RALGPS2: variants seen among roughly 807,000 people sequenced by gnomAD.
The protein encoded by RALGPS2 is Ral GEF with PH domain and SH3 binding motif 2, also known as ras-specific guanine nucleotide-releasing factor RalGPS2.
Under a neutral mutation model 86.8 loss-of-function variants are expected in RALGPS2, and 43 were observed. The ratio of observed to expected loss-of-function variants is 0.50; its 90% CI spans 0.39 to 0.64. RALGPS2 has a LOEUF of 0.64. RALGPS2 is among the 30% of genes least tolerant of loss of function. The pLI, the probability that RALGPS2 is intolerant of heterozygous loss-of-function variation, is 0.00. For synonymous variants in RALGPS2, 243 were observed against 231.3 expected, an observed-to-expected ratio of 1.05 and a Z score of -0.46; for missense variants, 536 against 694.6, an observed-to-expected ratio of 0.77 and a Z score of 2.57.
intron 17 of RALGPS2, among the ~76,000 whole-genome samples, chr1:178,900,757 A>C (rs529617877): frequency 4.6e-5 from 7 of 152,024 alleles, no homozygotes; most frequent in Admixed American, 3.9e-4. Context: ...CCTCTGATAT[A>C]ATAAATGCAT....
At chr1:178,756,603 A>G (rs543316668) in intron 1 of RALGPS2, among the ~76,000 whole-genome samples, 1 of 151,982 alleles carries the variant, frequency 6.6e-6, no homozygotes, top group Non-Finnish European at 1.5e-5. Flanking sequence ...GATGCATCAC[A>G]CTTTGTTCTT....
At chr1:178,901,176 T>C (rs565426292) in intron 17 of RALGPS2, among the ~76,000 whole-genome samples, 1 of 152,170 alleles carries the variant, frequency 6.6e-6, no homozygotes, top group Admixed American at 6.6e-5. Context: ...AGATAGGTAG[T>C]GTACATGTAC....
chr1:178,856,777 T>C (rs1236912851), intron 8 of RALGPS2, among the ~76,000 whole-genome samples: 2 of 152,150 alleles, frequency 1.3e-5, no homozygotes, highest in Non-Finnish European at 2.9e-5. Flanking sequence ...ATAAATTTAA[T>C]ATAGCTCATC....
At chr1:178,736,280 G>C (rs544499180) in intron 1 of RALGPS2, among the ~76,000 whole-genome samples, 1 of 150,734 alleles carries the variant, frequency 6.6e-6, no homozygotes, top group Admixed American at 6.6e-5. Context: ...TCCTGCCTCA[G>C]CTTCTCAAGT....
intron 8 of RALGPS2, among the ~76,000 whole-genome samples, chr1:178,873,783 A>G (rs1658875387): frequency 6.6e-6 from 1 of 152,254 alleles, no homozygotes; most frequent in Admixed American, 6.5e-5. Flanking sequence ...AGCATTTAAC[A>G]GCGTGGACAA....
intron 1 of RALGPS2, among the ~76,000 whole-genome samples, chr1:178,741,908 C>T (rs537721228): frequency 2.0e-5 from 3 of 151,770 alleles, no homozygotes; most frequent in Non-Finnish European, 4.4e-5. Context: ...GAGGCCGAGG[C>T]GGGAGGATCA....
rs1558166705 is a variant in RALGPS2 at position 178,877,519 on chromosome 1, CAT to C, written c.631_632del (p.Tyr211HisfsTer15). On this transcript the variant is annotated frameshift_variant, in exon 9 of 20. Coordinates refer to ENST00000367635, the MANE Select transcript of RALGPS2 (RefSeq NM_152663.5). LOFTEE classifies it high-confidence loss of function. The stretch of plus-strand genomic sequence containing the variant: ...TCAGGTATCTATTTGTCAGATTTAA[CAT>C]ACATCGATTCAGCATACCCATCAAC... The C allele has an allele frequency of 6.2e-7, 1 of 1,613,394 alleles. No individual in the cohort carries two copies. The highest frequency in any genetic ancestry group is 2.2e-5 in the East Asian group (1 of 44,806).
intron 6 of RALGPS2, among the ~76,000 whole-genome samples, chr1:178,812,112 C>A (rs1240592026): frequency 6.6e-6 from 1 of 151,868 alleles, no homozygotes; most frequent in Non-Finnish European, 1.5e-5. Flanking sequence ...ATTACATGTG[C>A]ATAGGAGTCA....
rs533574734 is a variant in RALGPS2 at position 178,797,657 on chromosome 1, A to G, written c.214-10388A>G. On this transcript the variant is annotated intron_variant, in intron 4 of 19. Coordinates refer to ENST00000367635, the MANE Select transcript of RALGPS2 (RefSeq NM_152663.5). ...GTTTTCCTCAGCAGTTACATCTTACATAACTATAGTACAATATCAAAACCA... is the reference window on the plus strand; with the variant it reads ...GTTTTCCTCAGCAGTTACATCTTACGTAACTATAGTACAATATCAAAACCA... 6.1e-3 allele frequency among the ~76,000 whole-genome samples: 923 copies of G among 152,314 alleles called. 9 individuals carry two copies. The highest frequency in any genetic ancestry group is 0.021 in the African/African-American group (883 of 41,566).
intron 13 of RALGPS2, 78 bp downstream of exon 13, chr1:178,886,198 C>T: frequency 7.0e-7 from 1 of 1,437,394 alleles, no homozygotes; most frequent in Non-Finnish European, 9.5e-7. Flanking sequence ...GAAAAAAACC[C>T]CACCCACACA....
intron 1 of RALGPS2, among the ~76,000 whole-genome samples, chr1:178,763,549 A>C (rs1285205155): frequency 6.6e-6 from 1 of 152,196 alleles, no homozygotes; most frequent in Non-Finnish European, 1.5e-5. Flanking sequence ...TCTTCATTGT[A>C]AAGATAGTAA....
At chr1:178,766,478 C>T (rs562497521) in intron 1 of RALGPS2, among the ~76,000 whole-genome samples, 19 of 152,170 alleles carry the variant, frequency 1.2e-4, no homozygotes, top group African/African-American at 2.6e-4. Context: ...ATCTGCCCAC[C>T]TCAGCCTCTC....
intron 9 of RALGPS2, 22 bp downstream of exon 9, chr1:178,877,657 C>T: frequency 6.2e-7 from 1 of 1,610,756 alleles, no homozygotes; most frequent in South Asian, 1.1e-5. Flanking sequence ...GGGGATAATG[C>T]CAAGCCATTA....
chr1:178,848,281 A>T (rs1437809720), intron 8 of RALGPS2, among the ~76,000 whole-genome samples: 1 of 152,176 alleles, frequency 6.6e-6, no homozygotes, highest in African/African-American at 2.4e-5. Context: ...ACTGCACTCC[A>T]GCCTGGGTGA....
chr1:178,907,086 A>G (rs1326839376), intron 19 of RALGPS2, among the ~76,000 whole-genome samples: 1 of 152,252 alleles, frequency 6.6e-6, no homozygotes, highest in Non-Finnish European at 1.5e-5. Context: ...AGTCAGAACT[A>G]TATAAAGAAA....
At position 178,858,894 on chromosome 1, in the gene RALGPS2, C is replaced by A. The variant is rs144932839; in HGVS notation, c.608-18604C>A. On this transcript the variant is annotated intron_variant, in intron 8 of 19. Coordinates refer to ENST00000367635, the MANE Select transcript of RALGPS2 (RefSeq NM_152663.5). Reference sequence around the variant, plus strand: ...AGAATTACAGATTACAAAGAGAATCCTTTTTATGACAGGAGAAACAGTAAA... The same window carrying A: ...AGAATTACAGATTACAAAGAGAATCATTTTTATGACAGGAGAAACAGTAAA... 1.2e-3 allele frequency among the ~76,000 whole-genome samples: 176 copies of A among 152,142 alleles called. 1 individual carries two copies. The highest frequency in any genetic ancestry group is 6.8e-3 in the East Asian group (35 of 5,182).
rs534868257 is a variant in RALGPS2 at position 178,918,412 on chromosome 1, T to G, written c.*2053T>G. On this transcript the variant is annotated 3_prime_UTR_variant, in exon 20 of 20. Transcript: ENST00000367635. ...GTGGATTTTTTTTATTTCATTTGTTTGTCATAATAAGCTAACGTAGAAATG... is the reference window on the plus strand; with the variant it reads ...GTGGATTTTTTTTATTTCATTTGTTGGTCATAATAAGCTAACGTAGAAATG... 1.3e-5 allele frequency: 2 copies of G among 152,186 alleles called. No individual in the cohort carries two copies. The highest frequency in any genetic ancestry group is 2.4e-5 in the African/African-American group (1 of 41,460). 9.4% of individuals were successfully genotyped at this position (152,186 alleles called of 1,614,324 possible).
chr1:178,780,941 T>G (rs1249178216), intron 2 of RALGPS2, among the ~76,000 whole-genome samples: 1 of 152,032 alleles, frequency 6.6e-6, no homozygotes. Flanking sequence ...ACCATAAGAT[T>G]ATGTTTATAT....
chr1:178,890,580 A>G (rs531366510), intron 14 of RALGPS2, among the ~76,000 whole-genome samples: 252 of 152,104 alleles, frequency 1.7e-3, no homozygotes, highest in African/African-American at 5.8e-3. Flanking sequence ...GTCACAATTT[A>G]TAAAACAATT....
Sources: gnomAD v4.1 joint callset for allele counts (sites outside exome capture counted in the v4.1 genomes callset) on GRCh38, gnomAD v4.1.1 for gene constraint, MANE v1.5 for transcripts, NCBI Gene and HGNC (gene_info 2026-07-23, HGNC 2026-07-21) for gene names.